The following FBXL13 variants were observed in gnomAD, a reference collection of about 807,000 sequenced individuals.
The protein encoded by FBXL13 is F-box and leucine rich repeat protein 13.
A neutral mutation model predicts 83.6 loss-of-function variants in FBXL13; 67 were observed. That is an observed-to-expected ratio of 0.80 (90% CI 0.66 to 0.98). The LOEUF (loss-of-function observed/expected upper bound fraction) is 0.98, where lower values mean the gene tolerates loss of function less well. Ranked by LOEUF, FBXL13 falls within the 50% of genes least tolerant of loss-of-function variation. FBXL13 has a pLI of 0.00. For missense variants in FBXL13, 822 were observed against 866.5 expected (o/e 0.95, Z 0.64); for synonymous variants, 272 against 299.5 (o/e 0.91, Z 0.95).
chr7:102,947,867 C>T (rs1302806400), intron 8 of FBXL13, among the ~76,000 whole-genome samples: 1 of 151,988 alleles, frequency 6.6e-6, no homozygotes, highest in African/African-American at 2.4e-5. Context: ...ACGGAGTCCT[C>T]CTGAGTCCTG....
chr7:103,020,967 G>GA (rs1174438212), intron 6 of FBXL13, among the ~76,000 whole-genome samples: 2 of 152,182 alleles, frequency 1.3e-5, no homozygotes, highest in South Asian at 2.1e-4. Flanking sequence ...TTTCTTCACA[G>GA]ATTGGAAAAA....
At chr7:103,016,920 G>C (rs903634309) in intron 6 of FBXL13, among the ~76,000 whole-genome samples, 8 of 152,230 alleles carry the variant, frequency 5.3e-5, no homozygotes, top group Non-Finnish European at 7.3e-5. Context: ...CCGAACAAAA[G>C]GCAGCAGAAA....
chr7:102,939,511 C>T, intron 8 of FBXL13: 1 of 1,613,870 alleles, frequency 6.2e-7, no homozygotes, highest in South Asian at 1.1e-5. Context: ...CAACTTCGAC[C>T]CAAGGAATTT....
At chr7:102,834,086 A>AAGGAAGGAAAAG (rs1562925844) in intron 17 of FBXL13, among the ~76,000 whole-genome samples, 53 of 93,684 alleles carry the variant, frequency 5.7e-4, no homozygotes, top group African/African-American at 2.1e-3. Context: ...GGAAGGAAAG[A>AAGGAAGGAAAAG]AAAGAAAGAA....
At chr7:102,905,644 T>G (rs1200843325) in intron 11 of FBXL13, among the ~76,000 whole-genome samples, 1 of 152,168 alleles carries the variant, frequency 6.6e-6, no homozygotes, top group East Asian at 1.9e-4. Flanking sequence ...ACCTACTTAT[T>G]CCTGCTATTT....
chr7:102,830,790 T>C (rs1401476696), intron 18 of FBXL13, among the ~76,000 whole-genome samples: 1 of 152,244 alleles, frequency 6.6e-6, no homozygotes, highest in African/African-American at 2.4e-5. Flanking sequence ...GAGAACACGA[T>C]TGTTAATAAC....
chr7:102,924,641 CTTTTTTT>C (rs71106699), intron 10 of FBXL13, among the ~76,000 whole-genome samples: 4 of 121,044 alleles, frequency 3.3e-5, no homozygotes, highest in African/African-American at 9.2e-5. Flanking sequence ...GTAAGCTTTT[CTTTTTTT>C]TTTTTTTTTT....
chr7:102,904,013 T>C (rs1327985459), intron 11 of FBXL13, among the ~76,000 whole-genome samples: 1 of 146,864 alleles, frequency 6.8e-6, no homozygotes, highest in Non-Finnish European at 1.5e-5. Flanking sequence ...CCTCATAGAA[T>C]TAGTTTGGAA....
intron 16 of FBXL13, among the ~76,000 whole-genome samples, chr7:102,875,254 A>G (rs546257132): frequency 2.0e-5 from 3 of 152,328 alleles, no homozygotes; most frequent in Admixed American, 1.3e-4. Flanking sequence ...CCATGTAATC[A>G]GTTGGAACAT....
chr7:102,909,338 A>G (rs1814280092), intron 11 of FBXL13, among the ~76,000 whole-genome samples: 1 of 151,896 alleles, frequency 6.6e-6, no homozygotes, highest in African/African-American at 2.4e-5. Flanking sequence ...ATTGCCATAC[A>G]AGAGTCAAGT....
At chr7:103,074,180 A>T in intron 1 of FBXL13, 1 of 945,102 alleles carries the variant, frequency 1.1e-6, no homozygotes. Flanking sequence ...CTCAGCTTCC[A>T]CTCTTCCCTC....
At chr7:102,968,200 C>A in intron 6 of FBXL13, 83 bp from the exon 8 acceptor site, 1 of 867,120 alleles carries the variant, frequency 1.2e-6, no homozygotes, top group Non-Finnish European at 1.9e-6. Context: ...TGTGTGTGTG[C>A]ACACATGTGC....
chr7:102,833,096 C>A, intron 17 of FBXL13, 122 bp from the exon 19 acceptor site: 1 of 1,003,960 alleles, frequency 1.0e-6, no homozygotes, highest in South Asian at 1.8e-5. Flanking sequence ...TCTTGATGCC[C>A]CCAAAAAATA....
chr7:102,986,589 A>G (rs1828982621), intron 6 of FBXL13, among the ~76,000 whole-genome samples: 1 of 152,102 alleles, frequency 6.6e-6, no homozygotes, highest in African/African-American at 2.4e-5. Context: ...AGTTCTCTTC[A>G]TGGGTGCTTG....
intron 2 of FBXL13, among the ~76,000 whole-genome samples, chr7:103,039,257 A>C (rs1385306081): frequency 1.3e-5 from 2 of 152,198 alleles, no homozygotes; most frequent in Admixed American, 6.5e-5. Context: ...TAAAGCAAGA[A>C]GACAAGATTA....
intron 11 of FBXL13, among the ~76,000 whole-genome samples, chr7:102,908,265 T>C (rs1814075013): frequency 1.3e-5 from 2 of 152,218 alleles, no homozygotes; most frequent in African/African-American, 4.8e-5. Context: ...TTTTTAATTA[T>C]TTCAATCTCT....
chr7:102,882,405 A>G (rs1316228493), intron 14 of FBXL13, among the ~76,000 whole-genome samples: 1 of 152,232 alleles, frequency 6.6e-6, no homozygotes, highest in African/African-American at 2.4e-5. Context: ...CTATAAGATT[A>G]TAAGAATTCT....
At chr7:102,852,404 C>G (rs533606237) in intron 17 of FBXL13, among the ~76,000 whole-genome samples, 1 of 152,136 alleles carries the variant, frequency 6.6e-6, no homozygotes, top group Non-Finnish European at 1.5e-5. Context: ...AGACAATGCA[C>G]AGAGTGGGAG....
At chr7:102,820,557 T>A (rs12538955) in intron 19 of FBXL13, among the ~76,000 whole-genome samples, 27,493 of 152,188 alleles carry the variant, frequency 0.18, 2,784 homozygotes, top group East Asian at 0.43. Context: ...TCCTGGGTCT[T>A]CTTGACCACT....
Sources: allele counts gnomAD v4.1 joint callset (sites outside exome capture counted in the v4.1 genomes callset), GRCh38; gene constraint gnomAD v4.1.1; transcripts MANE v1.5; gene names NCBI Gene and HGNC (gene_info 2026-07-23, HGNC 2026-07-21).